The following DENND5B variants were observed in gnomAD, a reference collection of about 807,000 sequenced individuals.
DENND5B encodes DENN domain containing 5B.
A neutral mutation model predicts 140.6 loss-of-function variants in DENND5B; 34 were observed. The observed-to-expected ratio is 0.24, with a 90% confidence interval of 0.18 to 0.32. DENND5B has a LOEUF of 0.32. Among genes scored for constraint, DENND5B ranks in the 10% least tolerant of loss-of-function variants. The pLI is 1.00. For synonymous variants in DENND5B, 551 were observed against 562.1 expected, an observed-to-expected ratio of 0.98 and a Z score of 0.28; for missense variants, 1,142 against 1,560.2, an observed-to-expected ratio of 0.73 and a Z score of 4.52.
Position 31,542,462 on chromosome 12 carries a change from T to C in DENND5B, c.128-46543A>G, listed in dbSNP as rs971158155. Among the ~76,000 whole-genome samples the C allele has an allele frequency of 1.8e-4, 27 of 152,034 alleles. No homozygotes were observed. In the East Asian group the frequency reaches 5.0e-3, roughly 28 times the overall value. ...ATTTGCTAGCACAACAGGGTGACTA[T>C]AGGAAAAAAATAATGTAATTGTACA... On this transcript the variant is annotated intron_variant, in intron 1 of 20. Transcript: ENST00000389082.
chr12:31,457,249 C>T (rs1944817301), intron 4 of DENND5B, among the ~76,000 whole-genome samples: 1 of 152,172 alleles, frequency 6.6e-6, no homozygotes, highest in Non-Finnish European at 1.5e-5. Context: ...ATCTTCAGTG[C>T]CTTCCTTCCA....
chr12:31,471,022 C>T (rs1000428312), intron 3 of DENND5B, among the ~76,000 whole-genome samples: 1 of 152,110 alleles, frequency 6.6e-6, no homozygotes, highest in African/African-American at 2.4e-5. Context: ...TGCAAACCAA[C>T]AGAAAAAAGT....
chr12:31,530,671 C>T (rs936812473), intron 1 of DENND5B, among the ~76,000 whole-genome samples: 2 of 151,954 alleles, frequency 1.3e-5, no homozygotes, highest in Non-Finnish European at 2.9e-5. Context: ...AATAATTATA[C>T]TAAACAAAGA....
intron 14 of DENND5B, among the ~76,000 whole-genome samples, chr12:31,406,399 A>C (rs554906585): frequency 2.0e-5 from 3 of 152,212 alleles, no homozygotes; most frequent in Non-Finnish European, 2.9e-5. Flanking sequence ...TCTTTATGTT[A>C]GGTGAAGAGT....
chr12:31,575,399 G>C (rs528664738), intron 1 of DENND5B, among the ~76,000 whole-genome samples: 1 of 152,158 alleles, frequency 6.6e-6, no homozygotes, highest in Admixed American at 6.5e-5. Flanking sequence ...AGGGAATTAC[G>C]TAAGAGTAGA....
intron 3 of DENND5B, among the ~76,000 whole-genome samples, chr12:31,460,590 G>A (rs1413129225): frequency 6.7e-6 from 1 of 150,322 alleles, no homozygotes. Flanking sequence ...GGTGTGGGTA[G>A]GTGGGAAACA....
chr12:31,426,512 T>A, intron 8 of DENND5B, 88 bp from the exon 9 acceptor site: 2 of 1,447,686 alleles, frequency 1.4e-6, no homozygotes, highest in Non-Finnish European at 1.8e-6. Context: ...CAGAGACAAA[T>A]GAAATGCAAA....
rs771205202 is a variant in DENND5B, at chr12:31,409,370, C to T, written c.2696G>A (p.Arg899Gln). 4 of 1,545,750 alleles carry T rather than the reference C, an allele frequency of 2.6e-6. No individual in the cohort carries two copies. The highest frequency in any genetic ancestry group is 2.0e-5 in the Admixed American group (1 of 50,638). ...NQPLTKKLYK[R>Q]YAFLRCEEER... The stretch of plus-strand genomic sequence containing the variant: ...TTCTTCGCAACGTAGAAAAGCATAT[C>T]GCTTATAAAGCTTCCTAGGAAAGGG... The change falls in exon 14 of 21, where the codon CGA becomes CAA. Residue 899 changes from arginine to glutamine, a missense_variant. Coordinates refer to ENST00000389082, the MANE Select transcript of DENND5B (RefSeq NM_144973.4).
At chr12:31,529,079 C>A (rs1318695552) in intron 1 of DENND5B, among the ~76,000 whole-genome samples, 1 of 149,570 alleles carries the variant, frequency 6.7e-6, no homozygotes, top group Non-Finnish European at 1.5e-5. Context: ...GGGTGAATTG[C>A]TTGAACTCGG....
At chr12:31,412,350 C>G (rs1057078275) in intron 13 of DENND5B, among the ~76,000 whole-genome samples, 2 of 152,156 alleles carry the variant, frequency 1.3e-5, no homozygotes, top group African/African-American at 2.4e-5. Flanking sequence ...TGGTTCCCAA[C>G]CTTTTTGGCG....
intron 1 of DENND5B, among the ~76,000 whole-genome samples, chr12:31,566,297 T>A (rs990024536): frequency 6.6e-6 from 1 of 151,320 alleles, no homozygotes; most frequent in African/African-American, 2.4e-5. Context: ...AGCTACTGCA[T>A]TCCGGCCAGG....
intron 15 of DENND5B, among the ~76,000 whole-genome samples, chr12:31,401,315 T>G (rs2137403398): frequency 6.6e-6 from 1 of 152,330 alleles, no homozygotes; most frequent in Middle Eastern, 3.4e-3. Flanking sequence ...TTTAATGTAC[T>G]TTCATTATTG....
chr12:31,507,897 A>AC (rs1368275793), intron 1 of DENND5B, among the ~76,000 whole-genome samples: 6 of 152,204 alleles, frequency 3.9e-5, no homozygotes, highest in African/African-American at 1.4e-4. Flanking sequence ...AAAACACATT[A>AC]TTTTATTACT....
Position 31,397,778 on chromosome 12 carries a change from G to T in DENND5B, c.3256+397C>A, listed in dbSNP as rs143908701. On this transcript the variant is annotated intron_variant, in intron 17 of 20. Coordinates refer to ENST00000389082, the MANE Select transcript of DENND5B (RefSeq NM_144973.4). ...CAGTCTATAAAAAATACAAAAATTA[G>T]CCAGGTGTGATGTTGTGTGCCTGTA... Among the ~76,000 whole-genome samples, 194 of 150,304 alleles carry T rather than the reference G, an allele frequency of 1.3e-3. 1 individual carries two copies. The highest frequency in any genetic ancestry group is 4.6e-3 in the African/African-American group (190 of 41,164).
chr12:31,538,464 A>C (rs1042159951), intron 1 of DENND5B, among the ~76,000 whole-genome samples: 2 of 152,188 alleles, frequency 1.3e-5, no homozygotes, highest in African/African-American at 2.4e-5. Flanking sequence ...TATAGCTATA[A>C]GTGCCTACAT....
chr12:31,547,064 G>A (rs1011896342), intron 1 of DENND5B, among the ~76,000 whole-genome samples: 3 of 152,160 alleles, frequency 2.0e-5, no homozygotes, highest in Non-Finnish European at 2.9e-5. Flanking sequence ...TTCCTCTAGA[G>A]TTTCTCTGAG....
chr12:31,413,069 C>T (rs2116704), intron 13 of DENND5B, among the ~76,000 whole-genome samples: 86,834 of 151,886 alleles, frequency 0.57, 25,295 homozygotes, highest in East Asian at 0.82. Flanking sequence ...TACAGGTGTG[C>T]GGCACCATGC....
intron 1 of DENND5B, among the ~76,000 whole-genome samples, chr12:31,538,693 C>A (rs1177996266): frequency 1.3e-5 from 2 of 151,908 alleles, no homozygotes; most frequent in Admixed American, 6.6e-5. Context: ...TTGGTGAAAC[C>A]CCATCTCTAC....
intron 3 of DENND5B, among the ~76,000 whole-genome samples, chr12:31,475,279 T>C (rs1488771908): frequency 6.6e-6 from 1 of 152,218 alleles, no homozygotes; most frequent in Non-Finnish European, 1.5e-5. Flanking sequence ...TATGTCACTT[T>C]AAATTTTTTA....
Sources: gnomAD v4.1 joint callset for allele counts (sites outside exome capture counted in the v4.1 genomes callset) on GRCh38, gnomAD v4.1.1 for gene constraint, MANE v1.5 for transcripts, NCBI Gene and HGNC (gene_info 2026-07-23, HGNC 2026-07-21) for gene names.